LRRC3B: variants seen among roughly 807,000 people sequenced by gnomAD.
The protein encoded by LRRC3B is leucine rich repeat containing 3B.
A neutral mutation model predicts 12.8 loss-of-function variants in LRRC3B; 2 were observed. The ratio of observed to expected loss-of-function variants is 0.16; its 90% CI spans 0.06 to 0.49. LRRC3B has a LOEUF of 0.49. Among genes scored for constraint, LRRC3B ranks in the 20% least tolerant of loss-of-function variants. The probability of loss-of-function intolerance (pLI) is 0.96; values close to 1 mark genes in which losing one functional copy is unlikely to be tolerated. For synonymous variants in LRRC3B, 132 were observed against 122.0 expected (o/e 1.08, Z -0.54); for missense variants, 189 against 319.4 (o/e 0.59, Z 3.11).
chr3:26,633,443 T>G (rs1293587567), intron 1 of LRRC3B, among the ~76,000 whole-genome samples: 1 of 152,212 alleles, frequency 6.6e-6, no homozygotes, highest in East Asian at 1.9e-4. Flanking sequence ...GTTATTATTA[T>G]TAGTATAGAA....
intron 1 of LRRC3B, among the ~76,000 whole-genome samples, chr3:26,659,343 A>G (rs1364774313): frequency 6.6e-6 from 1 of 152,226 alleles, no homozygotes; most frequent in Admixed American, 6.5e-5. Flanking sequence ...ATTTAAATTC[A>G]GATTCTTCCA....
At chr3:26,638,775 G>C (rs990577785) in intron 1 of LRRC3B, among the ~76,000 whole-genome samples, 1 of 152,208 alleles carries the variant, frequency 6.6e-6, no homozygotes, top group South Asian at 2.1e-4. Context: ...ATTGTCATCA[G>C]TGTTCATTCT....
chr3:26,678,997 T>C lies in LRRC3B; in HGVS notation c.-160-30516T>C, dbSNP rs545959410. On this transcript the variant is annotated intron_variant, in intron 1 of 1. Transcript: ENST00000396641. ...TGCTATCATACAACAAATACAAATG[T>C]ATTTGATGAGAAAAGATATTATCAA... 1.6e-4 allele frequency among the ~76,000 whole-genome samples: 24 copies of C among 152,340 alleles called. 1 individual carries two copies. The South Asian group carries it at 3.5e-3, about 22-fold the overall frequency.
At chr3:26,693,203 C>A (rs1700229149) in intron 1 of LRRC3B, among the ~76,000 whole-genome samples, 1 of 149,548 alleles carries the variant, frequency 6.7e-6, no homozygotes, top group Non-Finnish European at 1.5e-5. Context: ...GTGGCGCGTG[C>A]CTGTAGTCCC....
chr3:26,664,060 T>C (rs1248598004), intron 1 of LRRC3B, among the ~76,000 whole-genome samples: 1 of 152,096 alleles, frequency 6.6e-6, no homozygotes, highest in Non-Finnish European at 1.5e-5. Flanking sequence ...GACATAGAAG[T>C]CTTCCTATGC....
At chr3:26,685,343 C>G (rs1487855575) in intron 1 of LRRC3B, among the ~76,000 whole-genome samples, 11 of 151,278 alleles carry the variant, frequency 7.3e-5, no homozygotes, top group Admixed American at 5.9e-4. Flanking sequence ...TTCTTGTTTT[C>G]TAAAATGATC....
intron 1 of LRRC3B, among the ~76,000 whole-genome samples, chr3:26,638,524 A>C (rs1374693314): frequency 1.3e-5 from 2 of 152,106 alleles, no homozygotes; most frequent in Non-Finnish European, 2.9e-5. Context: ...CAAAGTGTGA[A>C]TCAATACCTG....
At chr3:26,646,242 G>T (rs1272776361) in intron 1 of LRRC3B, among the ~76,000 whole-genome samples, 2 of 152,106 alleles carry the variant, frequency 1.3e-5, no homozygotes, top group East Asian at 1.9e-4. Context: ...TCCAACCAGC[G>T]ATTTTCAATA....
intron 1 of LRRC3B, among the ~76,000 whole-genome samples, chr3:26,685,523 C>CTCTA (rs1200535225): frequency 4.7e-4 from 18 of 38,306 alleles, no homozygotes; most frequent in Non-Finnish European, 5.9e-4. Flanking sequence ...CTCTCTCTCT[C>CTCTA]TATATATATA....
intron 1 of LRRC3B, among the ~76,000 whole-genome samples, chr3:26,692,500 TGAC>T (rs1481031091): frequency 6.6e-6 from 1 of 152,216 alleles, no homozygotes; most frequent in African/African-American, 2.4e-5. Context: ...AGAACATTAT[TGAC>T]TGTCATGGTC....
chr3:26,677,664 A>G (rs1038074482), intron 1 of LRRC3B, among the ~76,000 whole-genome samples: 2 of 152,230 alleles, frequency 1.3e-5, no homozygotes, highest in African/African-American at 4.8e-5. Context: ...AAAGAAACAC[A>G]TGTATACATA....
chr3:26,693,034 C>T (rs1202406958), intron 1 of LRRC3B, among the ~76,000 whole-genome samples: 1 of 152,132 alleles, frequency 6.6e-6, no homozygotes, highest in Non-Finnish European at 1.5e-5. Flanking sequence ...GGGCAGGGTT[C>T]TAAGATCAAG....
At chr3:26,666,607 AG>A (rs929246298) in intron 1 of LRRC3B, among the ~76,000 whole-genome samples, 100 of 152,308 alleles carry the variant, frequency 6.6e-4, no homozygotes, top group African/African-American at 2.2e-3. Flanking sequence ...AATATAGAAC[AG>A]GGAGTTCCTA....
chr3:26,643,512 A>C (rs191258687), intron 1 of LRRC3B, among the ~76,000 whole-genome samples: 17,990 of 152,002 alleles, frequency 0.12, 1,204 homozygotes, highest in South Asian at 0.2. Context: ...CCACCCACCC[A>C]CCAGCTGTGT....
intron 1 of LRRC3B, among the ~76,000 whole-genome samples, chr3:26,651,164 GT>G (rs1699257393): frequency 6.6e-6 from 1 of 152,028 alleles, no homozygotes; most frequent in African/African-American, 2.4e-5. Context: ...AATGGGTGTA[GT>G]TAAAAATGAC....
At chr3:26,692,634 G>C (rs1443009021) in intron 1 of LRRC3B, among the ~76,000 whole-genome samples, 2 of 152,114 alleles carry the variant, frequency 1.3e-5, no homozygotes, top group Non-Finnish European at 2.9e-5. Flanking sequence ...AAAGCATACT[G>C]TTCTGTTAGT....
At chr3:26,655,885 G>GCTATTTATTATCAC (rs1215592698) in intron 1 of LRRC3B, among the ~76,000 whole-genome samples, 15 of 152,098 alleles carry the variant, frequency 9.9e-5, no homozygotes, top group Non-Finnish European at 1.9e-4. Flanking sequence ...TGACCTTATT[G>GCTATTTATTATCAC]CTATTTATTA....
intron 1 of LRRC3B, among the ~76,000 whole-genome samples, chr3:26,697,364 T>A (rs1019509246): frequency 1.3e-5 from 2 of 152,192 alleles, no homozygotes; most frequent in African/African-American, 4.8e-5. Flanking sequence ...ATCACTTCAA[T>A]CCTTACCTTA....
intron 1 of LRRC3B, among the ~76,000 whole-genome samples, chr3:26,655,082 CA>C (rs1699343703): frequency 1.3e-5 from 2 of 151,950 alleles, no homozygotes; most frequent in African/African-American, 4.8e-5. Flanking sequence ...TCTGTCTGTC[CA>C]TGAACATTTA....
Sources: gnomAD v4.1 joint callset for allele counts (sites outside exome capture counted in the v4.1 genomes callset) on GRCh38, gnomAD v4.1.1 for gene constraint, MANE v1.5 for transcripts, NCBI Gene and HGNC (gene_info 2026-07-23, HGNC 2026-07-21) for gene names.